The following PATJ variants were observed in gnomAD, a reference collection of about 807,000 sequenced individuals.
PATJ encodes inaD-like protein.
A neutral mutation model predicts 224.9 loss-of-function variants in PATJ; 190 were observed. That is an observed-to-expected ratio of 0.84 (90% CI 0.75 to 0.95). The LOEUF (loss-of-function observed/expected upper bound fraction) is 0.95, where lower values mean the gene tolerates loss of function less well. PATJ is among the 40% of genes least tolerant of loss of function. The pLI, the probability that PATJ is intolerant of heterozygous loss-of-function variation, is 0.00. For missense variants in PATJ, 2,121 were observed against 2,270.3 expected (o/e 0.93, Z 1.34); for synonymous variants, 769 against 820.3 (o/e 0.94, Z 1.07).
At chr1:61,746,107 A>G (rs992908797) in intron 1 of PATJ, among the ~76,000 whole-genome samples, 6 of 150,326 alleles carry the variant, frequency 4.0e-5, no homozygotes, top group African/African-American at 1.5e-4. Context: ...ATATATATAT[A>G]TATTTTGTAT....
At chr1:61,930,928 CCCG>C (rs1675939495) in intron 27 of PATJ, among the ~76,000 whole-genome samples, 1 of 152,174 alleles carries the variant, frequency 6.6e-6, no homozygotes, top group African/African-American at 2.4e-5. Context: ...GTCTGAAACT[CCCG>C]ACCTCAGGTG....
intron 30 of PATJ, among the ~76,000 whole-genome samples, chr1:62,042,271 G>A (rs1651654846): frequency 6.6e-6 from 1 of 152,128 alleles, no homozygotes; most frequent in South Asian, 2.1e-4. Flanking sequence ...ATTCTAGAGA[G>A]GGCTTTTTAG....
In PATJ at chr1:62,136,283, C is replaced by T. The variant is rs372521064; in HGVS notation, c.5271+7338C>T. ...CTGACCTCAAGTGATCCGCCCATCT[C>T]GGCCTCCCAAAGTGCTGGGATTACA... On this transcript the variant is annotated intron_variant, in intron 41 of 43. Coordinates refer to ENST00000642238, the MANE Select transcript of PATJ (RefSeq NM_001350145.3). 1.1e-4 allele frequency among the ~76,000 whole-genome samples: 17 copies of T among 151,678 alleles called. No individual in the cohort carries two copies. The South Asian group carries it at 2.3e-3, about 20-fold the overall frequency.
At chr1:61,912,489 G>T (rs1571254685) in intron 25 of PATJ, among the ~76,000 whole-genome samples, 2 of 151,712 alleles carry the variant, frequency 1.3e-5, no homozygotes, top group East Asian at 1.9e-4. Flanking sequence ...AGCTACTTGG[G>T]AATGAGGCAC....
At chr1:61,905,329 G>C (rs1671715050) in intron 24 of PATJ, among the ~76,000 whole-genome samples, 1 of 152,192 alleles carries the variant, frequency 6.6e-6, no homozygotes, top group Non-Finnish European at 1.5e-5. Context: ...ATTCTTGAGG[G>C]CAGAGCCCTC....
At chr1:61,873,805 G>A (rs189552167) in intron 20 of PATJ, among the ~76,000 whole-genome samples, 1 of 152,202 alleles carries the variant, frequency 6.6e-6, no homozygotes, top group African/African-American at 2.4e-5. Flanking sequence ...CCCACAGCAG[G>A]CTGGAGACCC....
intron 20 of PATJ, 76 bp downstream of exon 20, chr1:61,864,709 T>A: frequency 9.8e-6 from 13 of 1,326,228 alleles, no homozygotes; most frequent in Non-Finnish European, 1.3e-5. Context: ...CTCATGTCAC[T>A]TCAATGTTGT....
At chr1:62,157,416 C>T (rs1325849684) in intron 43 of PATJ, among the ~76,000 whole-genome samples, 1 of 149,428 alleles carries the variant, frequency 6.7e-6, no homozygotes, top group Admixed American at 7.0e-5. Context: ...CCTACACACC[C>T]AAAGTGCCTG....
rs544079705 is a variant in PATJ at position 61,979,392 on chromosome 1, G to C, written c.3671-10776G>C. Among the ~76,000 whole-genome samples the C allele has an allele frequency of 4.7e-4, 71 of 152,040 alleles. 1 individual carries two copies. In the South Asian group the frequency reaches 7.5e-3, roughly 16 times the overall value. ...AGATTAGGCCAGGCGCGGTGGTTCAGGCCTGTAATCCCAGCACTTTGGGAG... is the reference window on the plus strand; with the variant it reads ...AGATTAGGCCAGGCGCGGTGGTTCACGCCTGTAATCCCAGCACTTTGGGAG... On this transcript the variant is annotated intron_variant, in intron 27 of 43. Transcript: ENST00000642238.
At position 61,875,449 on chromosome 1, in the gene PATJ, C is replaced by T. The variant is rs764090954; in HGVS notation, c.2959+83C>T. The T allele has an allele frequency of 8.5e-5, 92 of 1,081,910 alleles. 1 individual carries two copies. The highest frequency in any genetic ancestry group is 3.8e-4 in the South Asian group (23 of 60,354). The allele number at this position is 1,081,910 out of a possible 1,614,324, so 67.0% of individuals were successfully genotyped here. A position where few individuals can be genotyped will look rare whatever the true frequency, so the allele number is the denominator to read the frequency against. ...TTATGTTTGTATACATGAATTTCAC[C>T]GTCATATTTTTATTCATTATGATGC... On this transcript the variant is annotated intron_variant, in intron 21 of 43. Transcript: ENST00000642238.
chr1:62,059,882 TGAA>T (rs1655137859), intron 31 of PATJ, among the ~76,000 whole-genome samples: 1 of 152,000 alleles, frequency 6.6e-6, no homozygotes, highest in Non-Finnish European at 1.5e-5. Flanking sequence ...ATATGAAAGT[TGAA>T]GAGGGAGGAG....
intron 27 of PATJ, among the ~76,000 whole-genome samples, chr1:61,959,219 C>A (rs1246843826): frequency 4.6e-5 from 7 of 151,692 alleles, no homozygotes; most frequent in Non-Finnish European, 1.0e-4. Flanking sequence ...TATAGTATAA[C>A]TTTTTTGAAA....
At position 62,084,368 on chromosome 1, in the gene PATJ, A is replaced by G. The variant is rs1659674743; in HGVS notation, c.4244-147A>G. ...GTCATCCCTGGCTGAAGAGGCAGGA[A>G]TGACCCAGCTTTTTGCTTCATGGTG... On this transcript the variant is annotated intron_variant, in intron 32 of 43. Transcript: ENST00000642238. The G allele has an allele frequency of 4.2e-6, 3 of 722,782 alleles. No homozygotes were observed. The East Asian group carries it at 9.2e-5, about 22-fold the overall frequency. The allele number at this position is 722,782 out of a possible 1,614,324, so 44.8% of individuals were successfully genotyped here.
At chr1:62,031,307 C>G (rs1649239630) in intron 29 of PATJ, among the ~76,000 whole-genome samples, 1 of 152,176 alleles carries the variant, frequency 6.6e-6, no homozygotes, top group Non-Finnish European at 1.5e-5. Context: ...TTATGAACAG[C>G]CCTAATATCT....
At chr1:62,117,059 G>T in intron 36 of PATJ, 73 bp from the exon 37 acceptor site, 1 of 1,234,396 alleles carries the variant, frequency 8.1e-7, no homozygotes. Flanking sequence ...GCTGCAGGGA[G>T]AGGCTCTGTT....
rs555457876 is a variant in PATJ at position 62,073,624 on chromosome 1, C to T, written c.4126-5826C>T. 1.1e-4 allele frequency among the ~76,000 whole-genome samples: 16 copies of T among 151,950 alleles called. No homozygotes were observed. In the South Asian group the frequency reaches 2.9e-3, roughly 28 times the overall value. On this transcript the variant is annotated intron_variant, in intron 31 of 43. Coordinates refer to ENST00000642238, the MANE Select transcript of PATJ (RefSeq NM_001350145.3). ...CTCCAGCCTGGGTGACAGAGTGAGA[C>T]GCTGTCTTTAAATAAATAAATAAAT...
chr1:61,969,947 G>C (rs775129856), intron 27 of PATJ, among the ~76,000 whole-genome samples: 4 of 152,128 alleles, frequency 2.6e-5, no homozygotes, highest in Non-Finnish European at 5.9e-5. Context: ...GCCCGCCTCG[G>C]CCTCCCAAAG....
At chr1:61,961,647 GA>G (rs1220956049) in intron 27 of PATJ, among the ~76,000 whole-genome samples, 2 of 152,270 alleles carry the variant, frequency 1.3e-5, no homozygotes, top group East Asian at 3.9e-4. Flanking sequence ...AAAAGATGTG[GA>G]AAAATGATAT....
At chr1:61,964,540 G>A (rs1371031072) in intron 27 of PATJ, among the ~76,000 whole-genome samples, 1 of 152,136 alleles carries the variant, frequency 6.6e-6, no homozygotes, top group Non-Finnish European at 1.5e-5. Flanking sequence ...TGTAATCCCA[G>A]AGCTTTGGGA....
Sources: gnomAD v4.1 joint callset for allele counts (sites outside exome capture counted in the v4.1 genomes callset) on GRCh38, gnomAD v4.1.1 for gene constraint, MANE v1.5 for transcripts, NCBI Gene and HGNC (gene_info 2026-07-23, HGNC 2026-07-21) for gene names.